DENND2B: variants seen among roughly 807,000 people sequenced by gnomAD.
DENND2B encodes DENN domain containing 2B.
DENND2B carries 32 observed loss-of-function variants against 116.0 expected under a neutral mutation model. The ratio of observed to expected loss-of-function variants is 0.28; its 90% CI spans 0.21 to 0.37. The LOEUF (loss-of-function observed/expected upper bound fraction) is 0.37. DENND2B is among the 10% of genes least tolerant of loss of function. The pLI is 1.00. For missense variants in DENND2B, 1,276 were observed against 1,477.7 expected, an observed-to-expected ratio of 0.86 and a Z score of 2.24; for synonymous variants, 588 against 583.9, an observed-to-expected ratio of 1.01 and a Z score of -0.10.
chr11:8,764,347 T>C (rs1056746996), intron 1 of DENND2B, among the ~76,000 whole-genome samples: 2 of 152,174 alleles, frequency 1.3e-5, no homozygotes, highest in Non-Finnish European at 2.9e-5. Flanking sequence ...TTCCTCAAAT[T>C]TGGAAGTAGG....
At chr11:8,796,802 G>C (rs552096536) in intron 1 of DENND2B, among the ~76,000 whole-genome samples, 96 of 152,310 alleles carry the variant, frequency 6.3e-4, no homozygotes, top group African/African-American at 2.2e-3. Context: ...GGAGCGTTAA[G>C]GAGAAAGGCC....
intron 1 of DENND2B, chr11:8,766,673 G>T (rs921934875): frequency 7.8e-7 from 1 of 1,288,196 alleles, no homozygotes; most frequent in East Asian, 5.6e-5. Flanking sequence ...CCAGCTATGC[G>T]CCCCACCTCC....
chr11:8,705,024 AAATC>A (rs2042354629), intron 13 of DENND2B, among the ~76,000 whole-genome samples: 1 of 152,116 alleles, frequency 6.6e-6, no homozygotes, highest in African/African-American at 2.4e-5. Context: ...TACTTTGAGA[AAATC>A]AAAGCCATCA....
chr11:8,853,547 G>C lies in DENND2B; in HGVS notation c.-156+3796C>G, dbSNP rs573285864. On this transcript the variant is annotated intron_variant, in intron 3 of 6. Coordinates refer to the DENND2B transcript ENST00000524757. ...ATTTTTGTTGTTCACAAATTACCTG[G>C]CCTAAAGTATTTTGTTATAGCATCC... Among the ~76,000 whole-genome samples the C allele has an allele frequency of 1.5e-4, 23 of 152,216 alleles. No individual in the cohort carries two copies. The South Asian group carries it at 4.1e-3, about 27-fold the overall frequency.
At chr11:8,824,056 C>T (rs1031701228) in intron 4 of DENND2B, among the ~76,000 whole-genome samples, 1 of 151,838 alleles carries the variant, frequency 6.6e-6, no homozygotes, top group Non-Finnish European at 1.5e-5. Flanking sequence ...GTGCCCACCA[C>T]CACGCCCGGC....
At chr11:8,764,445 GAAAT>G (rs1187185044) in intron 1 of DENND2B, among the ~76,000 whole-genome samples, 3 of 152,162 alleles carry the variant, frequency 2.0e-5, no homozygotes, top group African/African-American at 7.2e-5. Flanking sequence ...ACAACTATGT[GAAAT>G]AGATGCCATT....
In DENND2B at chr11:8,838,763, T is replaced by A. The variant is rs187711034; in HGVS notation, c.-115+547A>T. On this transcript the variant is annotated intron_variant, in intron 4 of 6. Coordinates refer to the DENND2B transcript ENST00000524757. ...ATTGTAGGTCTAAATGGGAATGTTATCTAAGAGGGAAAGCATTTACGGAAA... is the reference window on the plus strand; with the variant it reads ...ATTGTAGGTCTAAATGGGAATGTTAACTAAGAGGGAAAGCATTTACGGAAA... Among the ~76,000 whole-genome samples the A allele has an allele frequency of 4.4e-3, 672 of 152,328 alleles. 5 individuals carry two copies. The highest frequency in any genetic ancestry group is 0.031 in the Middle Eastern group (9 of 294).
chr11:8,701,133 C>T lies in DENND2B; in HGVS notation c.2720+1439G>A, dbSNP rs976594061. Among the ~76,000 whole-genome samples the T allele has an allele frequency of 7.9e-5, 12 of 152,262 alleles. 1 individual carries two copies. Among genetic ancestry groups the T allele is most frequent in the Admixed American group, 5.2e-4 (8 of 15,302 alleles). ...TGTTTCTTGTCTGGAAAGAAAGCCC[C>T]GGCTCTTAGAGCCAGGCAGGCAACC... On this transcript the variant is annotated intron_variant, in intron 14 of 19. Transcript: ENST00000313726.
chr11:8,816,954 C>T (rs916393908), intron 4 of DENND2B, among the ~76,000 whole-genome samples: 1 of 152,126 alleles, frequency 6.6e-6, no homozygotes, highest in Non-Finnish European at 1.5e-5. Context: ...AGCAGAGCCC[C>T]GGGCTTGGGG....
At chr11:8,706,819 A>G (rs1421945572) in intron 13 of DENND2B, among the ~76,000 whole-genome samples, 6 of 152,218 alleles carry the variant, frequency 3.9e-5, no homozygotes, top group African/African-American at 1.4e-4. Flanking sequence ...ACATTCAGTA[A>G]CTGTTCAATG....
intron 1 of DENND2B, among the ~76,000 whole-genome samples, chr11:8,777,069 T>C (rs1331788449): frequency 6.6e-6 from 1 of 152,240 alleles, no homozygotes; most frequent in Non-Finnish European, 1.5e-5. Flanking sequence ...TAATCTTGCA[T>C]ACCTTCTAAA....
At chr11:8,820,525 A>G (rs1401488983) in intron 4 of DENND2B, among the ~76,000 whole-genome samples, 1 of 152,194 alleles carries the variant, frequency 6.6e-6, no homozygotes, top group African/African-American at 2.4e-5. Flanking sequence ...TTCCTAGATT[A>G]GTATTTTTTT....
At chr11:8,822,698 G>A (rs991859327) in intron 4 of DENND2B, among the ~76,000 whole-genome samples, 1 of 152,054 alleles carries the variant, frequency 6.6e-6, no homozygotes, top group Non-Finnish European at 1.5e-5. Context: ...GGCTAGTTTC[G>A]GCATTCCATT....
At chr11:8,700,202 C>G (rs889623258) in intron 14 of DENND2B, among the ~76,000 whole-genome samples, 1 of 152,178 alleles carries the variant, frequency 6.6e-6, no homozygotes, top group Non-Finnish European at 1.5e-5. Flanking sequence ...GCTGGGCAGT[C>G]AGGGGCTTTG....
chr11:8,835,968 C>T (rs1011318198), intron 4 of DENND2B, among the ~76,000 whole-genome samples: 2 of 142,320 alleles, frequency 1.4e-5, no homozygotes, highest in African/African-American at 5.0e-5. Context: ...TGTCACCTAG[C>T]TCTAACAGTC....
intron 18 of DENND2B, chr11:8,695,804 G>A: frequency 3.8e-6 from 2 of 528,584 alleles, no homozygotes; most frequent in Non-Finnish European, 6.8e-6. Context: ...TGAGGAGGCT[G>A]CTTCTCAGTT....
intron 16 of DENND2B, among the ~76,000 whole-genome samples, chr11:8,698,644 A>T (rs1190233259): frequency 1.3e-5 from 2 of 152,224 alleles, no homozygotes; most frequent in African/African-American, 2.4e-5. Flanking sequence ...TTAGAGGCCT[A>T]AGACCATGTG....
Position 8,698,568 on chromosome 11 carries a change from T to C in DENND2B, c.2940+365A>G, listed in dbSNP as rs145476403. 1.3e-4 allele frequency among the ~76,000 whole-genome samples: 20 copies of C among 152,340 alleles called. No homozygotes were observed. The East Asian group carries it at 3.9e-3, about 29-fold the overall frequency. ...TTACATAACAATCTATAGTTATTTG[T>C]GTAACCCCCAGCAAACATTTCAAGG... is the stretch of plus-strand genomic sequence containing the variant. On this transcript the variant is annotated intron_variant, in intron 16 of 19. Transcript: ENST00000313726.
At chr11:8,713,579 A>G (rs2044169378) in intron 8 of DENND2B, among the ~76,000 whole-genome samples, 1 of 152,068 alleles carries the variant, frequency 6.6e-6, no homozygotes, top group Admixed American at 6.6e-5. Flanking sequence ...ATGGGGTTTC[A>G]CCATCTTAGC....
Sources: gnomAD v4.1 joint callset for allele counts (sites outside exome capture counted in the v4.1 genomes callset) on GRCh38, gnomAD v4.1.1 for gene constraint, MANE v1.5 for transcripts, NCBI Gene and HGNC (gene_info 2026-07-23, HGNC 2026-07-21) for gene names.